Variants in VDAC1 observed in about 807,000 individuals in gnomAD.
VDAC1 encodes non-selective voltage-gated ion channel VDAC1.
VDAC1 carries 10 observed loss-of-function variants against 34.7 expected under a neutral mutation model. The ratio of observed to expected loss-of-function variants is 0.29; its 90% CI spans 0.18 to 0.49. VDAC1 has a LOEUF of 0.49. Ranked by LOEUF, VDAC1 falls within the 20% of genes least tolerant of loss-of-function variation. The probability of loss-of-function intolerance (pLI) is 0.99; values close to 1 mark genes in which losing one functional copy is unlikely to be tolerated. For missense variants in VDAC1, 230 were observed against 347.9 expected (o/e 0.66, Z 2.69); for synonymous variants, 130 against 136.0 (o/e 0.96, Z 0.30).
the VDAC1 span, among the ~76,000 whole-genome samples, chr5:134,037,992 A>C: frequency 2.0e-5 from 3 of 152,270 alleles, no homozygotes; most frequent in African/African-American, 7.2e-5. Flanking sequence ...TCCAAAATAC[A>C]AGAATTTGTA....
the VDAC1 span, among the ~76,000 whole-genome samples, chr5:134,078,629 A>G: frequency 0.28 from 40,779 of 145,740 alleles, 6,057 homozygotes; most frequent in East Asian, 0.5. Context: ...TCCATTTGTG[A>G]TGTCGTCCCT....
the VDAC1 span, among the ~76,000 whole-genome samples, chr5:134,013,094 A>G: frequency 6.6e-6 from 1 of 152,210 alleles, no homozygotes; most frequent in African/African-American, 2.4e-5. Context: ...AAATTAACTC[A>G]AGACGGATTA....
the VDAC1 span, among the ~76,000 whole-genome samples, chr5:134,086,150 T>C: frequency 6.6e-6 from 1 of 152,150 alleles, no homozygotes; most frequent in African/African-American, 2.4e-5. Context: ...GAGCCAAGAT[T>C]GTTCCACTGC....
chr5:134,015,375 G>T, the VDAC1 span, among the ~76,000 whole-genome samples: 1 of 151,754 alleles, frequency 6.6e-6, no homozygotes, highest in East Asian at 1.9e-4. Flanking sequence ...AAGAAAAATT[G>T]AAAAAAGAAA....
At chr5:133,987,673 T>C (rs909751714) in intron 5 of VDAC1, among the ~76,000 whole-genome samples, 3 of 151,958 alleles carry the variant, frequency 2.0e-5, no homozygotes, top group African/African-American at 2.4e-5. Context: ...AGCGTAACTG[T>C]TGCAGGCAAG....
chr5:134,054,198 C>G, the VDAC1 span, among the ~76,000 whole-genome samples: 1 of 152,154 alleles, frequency 6.6e-6, no homozygotes, highest in African/African-American at 2.4e-5. Flanking sequence ...AATGAAACTG[C>G]CCTGAAGTAC....
At chr5:133,999,720 C>T (rs1167635181) in intron 1 of VDAC1, among the ~76,000 whole-genome samples, 1 of 152,170 alleles carries the variant, frequency 6.6e-6, no homozygotes, top group Non-Finnish European at 1.5e-5. Context: ...AGACCTGACA[C>T]CCCATCCACA....
At chr5:134,112,916 G>A in the VDAC1 span, among the ~76,000 whole-genome samples, 1 of 152,176 alleles carries the variant, frequency 6.6e-6, no homozygotes, top group Non-Finnish European at 1.5e-5. Flanking sequence ...CAGCTATTCT[G>A]GAGGACGTTC....
the VDAC1 span, among the ~76,000 whole-genome samples, chr5:134,103,570 C>T: frequency 1.3e-5 from 2 of 152,166 alleles, no homozygotes; most frequent in Admixed American, 1.3e-4. Context: ...CTGAGTACTT[C>T]GAGACTTTCT....
At chr5:133,992,873 A>G in intron 2 of VDAC1, 73 bp downstream of exon 2, 4 of 1,463,492 alleles carry the variant, frequency 2.7e-6, no homozygotes, top group Non-Finnish European at 3.8e-6. Context: ...TCTCCTAAAC[A>G]GTTATCGGTA....
At chr5:134,046,042 T>A in the VDAC1 span, among the ~76,000 whole-genome samples, 1 of 151,510 alleles carries the variant, frequency 6.6e-6, no homozygotes, top group East Asian at 1.9e-4. Context: ...TTATTTATTT[T>A]TGAGATGGAG....
the VDAC1 span, among the ~76,000 whole-genome samples, chr5:134,112,990 C>T: frequency 1.3e-5 from 2 of 152,172 alleles, no homozygotes; most frequent in Non-Finnish European, 2.9e-5. Flanking sequence ...TGGGCAGATC[C>T]GGATTCCCTT....
the VDAC1 span, among the ~76,000 whole-genome samples, chr5:134,055,602 T>C: frequency 7.1e-6 from 1 of 140,014 alleles, no homozygotes; most frequent in Admixed American, 7.1e-5. Context: ...TTTTTTTTTT[T>C]TTTTTTTTTT....
the VDAC1 span, among the ~76,000 whole-genome samples, chr5:134,014,405 G>C: frequency 6.6e-6 from 1 of 152,190 alleles, no homozygotes; most frequent in Non-Finnish European, 1.5e-5. Flanking sequence ...CCTCACGCCG[G>C]TCAGAATGGG....
chr5:134,076,442 G>T, the VDAC1 span, among the ~76,000 whole-genome samples: 4 of 152,200 alleles, frequency 2.6e-5, no homozygotes, highest in African/African-American at 9.7e-5. Flanking sequence ...GTTTCGGTGT[G>T]TCTAAAGTTT....
chr5:134,096,000 C>T, the VDAC1 span, among the ~76,000 whole-genome samples: 3 of 152,246 alleles, frequency 2.0e-5, no homozygotes, highest in East Asian at 1.9e-4. Flanking sequence ...TTCACCCTCC[C>T]GCTCTCAGCT....
the VDAC1 span, among the ~76,000 whole-genome samples, chr5:134,046,902 G>A: frequency 1.3e-5 from 2 of 152,182 alleles, no homozygotes; most frequent in South Asian, 2.1e-4. Context: ...CAATGATAAG[G>A]AGCCATTATG....
the VDAC1 span, among the ~76,000 whole-genome samples, chr5:134,085,066 T>TTTTTCTTTTC: frequency 7.1e-5 from 9 of 126,904 alleles, no homozygotes; most frequent in African/African-American, 2.2e-4. Flanking sequence ...ATGATCTCTT[T>TTTTTCTTTTC]TTTTCTTTTC....
the VDAC1 span, among the ~76,000 whole-genome samples, chr5:134,042,785 G>A: frequency 3.9e-5 from 6 of 152,208 alleles, no homozygotes; most frequent in African/African-American, 1.2e-4. Context: ...ACCATGCCTG[G>A]CTTTGGGTCT....
Sources: gnomAD v4.1 joint callset for allele counts (sites outside exome capture counted in the v4.1 genomes callset) on GRCh38, gnomAD v4.1.1 for gene constraint, MANE v1.5 for transcripts, NCBI Gene and HGNC (gene_info 2026-07-23, HGNC 2026-07-21) for gene names.